The following ITGA2B variants were observed in gnomAD, a reference collection of about 807,000 sequenced individuals.
The protein encoded by ITGA2B is integrin subunit alpha 2b.
ITGA2B carries 91 observed loss-of-function variants against 142.0 expected under a neutral mutation model. The observed-to-expected ratio is 0.64, with a 90% CI of 0.54 to 0.76. The LOEUF (loss-of-function observed/expected upper bound fraction) is 0.76, where lower values mean the gene tolerates loss of function less well. ITGA2B is among the 30% of genes least tolerant of loss of function. ITGA2B has a pLI of 0.00. For missense variants in ITGA2B, 1,231 were observed against 1,350.8 expected (o/e 0.91, Z 1.39); for synonymous variants, 536 against 567.2 (o/e 0.94, Z 0.78).
rs765001825 is a variant in ITGA2B at position 44,385,573 on chromosome 17, G to T, written c.552C>A (p.Arg184=). The T allele has an allele frequency of 1.2e-6, 2 of 1,600,498 alleles. No individual in the cohort carries two copies. Among genetic ancestry groups the T allele is most frequent in the Non-Finnish European group, 1.7e-6 (2 of 1,175,610 alleles). ...TACTAAAATCATTTTCCACGTAAAT[G>T]CGGCTCAGGGTGTTCCCGCGACAGG... is the stretch of plus-strand genomic sequence containing the variant. ...YSPCRGNTLS[R]IYVENDFSWD... is the part of the protein sequence containing the mutation. Residue 184 remains arginine, a synonymous_variant, in exon 4 of 30, where the codon CGC becomes CGA. Transcript: ENST00000262407.
intron 20 of ITGA2B, 86 bp downstream of exon 20, chr17:44,378,276 G>A (rs1292369854): frequency 1.3e-6 from 2 of 1,483,566 alleles, no homozygotes; most frequent in Non-Finnish European, 9.0e-7. Context: ...CAGAAGAGAA[G>A]AGGGACTCTC....
chr17:44,387,930 G>C (rs1221699637), intron 1 of ITGA2B, among the ~76,000 whole-genome samples: 1 of 149,722 alleles, frequency 6.7e-6, no homozygotes. Context: ...CCCCACACCT[G>C]CCTCCACTCT....
In ITGA2B at chr17:44,388,351, CTTTTTTTT is replaced by C. The variant is rs35720866; in HGVS notation, c.188+927_188+934del. Reference sequence around the variant, plus strand: ...ATGTGCTCCTCTCCACATTTCCTTTCTTTTTTTTTTTTTTTTTTTTTTGAGACAGAGTT... The same window carrying C: ...ATGTGCTCCTCTCCACATTTCCTTTCTTTTTTTTTTTTTTGAGACAGAGTT... On this transcript the variant is annotated intron_variant, in intron 1 of 29. Transcript: ENST00000262407. Among the ~76,000 whole-genome samples, 428 of 97,358 alleles carry C rather than the reference CTTTTTTTT, an allele frequency of 4.4e-3. 1 individual carries two copies. The highest frequency in any genetic ancestry group is 7.1e-3 in the Non-Finnish European group (370 of 51,874). 63.9% of individuals were successfully genotyped at this position (97,358 alleles called of 152,430 possible). A position where few individuals can be genotyped will look rare whatever the true frequency, so the allele number is the denominator to read the frequency against.
chr17:44,372,667 C>T (rs1475828957), intron 29 of ITGA2B, among the ~76,000 whole-genome samples: 1 of 152,100 alleles, frequency 6.6e-6, no homozygotes, highest in Non-Finnish European at 1.5e-5. Context: ...CTCACTCTGT[C>T]ACCCAGGCTG....
Position 44,377,760 on chromosome 17 carries a change from T to C in ITGA2B, c.2125A>G (p.Lys709Glu). 2 of 1,613,890 alleles carry C rather than the reference T, an allele frequency of 1.2e-6. No individual in the cohort carries two copies. Among genetic ancestry groups the C allele is most frequent in the South Asian group, 1.1e-5 (1 of 91,074 alleles). The change falls in exon 21 of 30, where the codon AAG (lysine) becomes GAG (glutamate). Residue 709 changes from lysine (K) to glutamate (E), a missense_variant. By Grantham distance (56) the Lys-to-Glu change is moderately conservative. This residue lies in a region of ITGA2B where 908 missense variants were observed against 1,021.1 expected (regional missense o/e 0.89). Coordinates refer to ENST00000262407, the MANE Select transcript of ITGA2B (RefSeq NM_000419.5). ...GFERLICNQK[K>E]ENETRVVLCE... is the part of the protein sequence containing the mutation. ...AGCACCACCCTGGTCTCATTCTCCT[T>C]CTTCTGATTACAGATGAGTCTCTCA...
Position 44,385,083 on chromosome 17 carries a change from C to T in ITGA2B, c.671-7G>A. 2.5e-6 allele frequency: 4 copies of T among 1,613,962 alleles called. No homozygotes were observed. The highest frequency in any genetic ancestry group is 3.4e-6 in the Non-Finnish European group (4 of 1,180,010). ...GGAGCCTGGGCCAGGAGACCTAGGGCGGGAGGGACAGCGGGTGTGAAGCCC... is the reference window on the plus strand; with the variant it reads ...GGAGCCTGGGCCAGGAGACCTAGGGTGGGAGGGACAGCGGGTGTGAAGCCC... On this transcript the variant is annotated splice_region_variant and splice_polypyrimidine_tract_variant and intron_variant, in intron 6 of 29. Transcript: ENST00000262407.
intron 12 of ITGA2B, 98 bp downstream of exon 12, chr17:44,383,386 TATATGCTTA>T: frequency 9.7e-7 from 1 of 1,035,244 alleles, no homozygotes; most frequent in Non-Finnish European, 1.4e-6. Flanking sequence ...GCCACATACT[TATATGCTTA>T]AAACCCATCC....
At chr17:44,376,915 G>A (rs992999285) in intron 22 of ITGA2B, 94 bp downstream of exon 22, 10 of 1,039,334 alleles carry the variant, frequency 9.6e-6, no homozygotes, top group African/African-American at 1.6e-5. Context: ...GCCTGGCCTC[G>A]AAAGACCCTT....
At position 44,372,218 on chromosome 17, in the gene ITGA2B, G is replaced by A. The variant is rs2048503059; in HGVS notation, c.*146C>T. 6.6e-6 allele frequency: 5 copies of A among 758,812 alleles called. No individual in the cohort carries two copies. Among genetic ancestry groups the A allele is most frequent in the Non-Finnish European group, 9.1e-6 (4 of 438,370 alleles). 47.0% of individuals were successfully genotyped at this position (758,812 alleles called of 1,614,324 possible). A position where few individuals can be genotyped will look rare whatever the true frequency, so the allele number is the denominator to read the frequency against. On this transcript the variant is annotated 3_prime_UTR_variant, in exon 30 of 30. Transcript: ENST00000262407. ...CTCTTTATTAGGCAGCAGGAGGGGGGGTAGCCCAGCTCTGTTGGGAGGGAA... is the reference window on the plus strand; with the variant it reads ...CTCTTTATTAGGCAGCAGGAGGGGGAGTAGCCCAGCTCTGTTGGGAGGGAA...
intron 12 of ITGA2B, among the ~76,000 whole-genome samples, chr17:44,383,093 G>C (rs940261274): frequency 6.6e-6 from 1 of 152,056 alleles, no homozygotes; most frequent in African/African-American, 2.4e-5. Context: ...CTGAACTGCT[G>C]ATCTCCCGCC....
At position 44,385,198 on chromosome 17, in the gene ITGA2B, C is replaced by G. The variant is rs1425057699; in HGVS notation, c.636G>C (p.Leu212=). 6.2e-7 allele frequency: 1 copy of G among 1,614,068 alleles called. No homozygotes were observed. Among genetic ancestry groups the G allele is most frequent in the Non-Finnish European group, 8.5e-7 (1 of 1,180,008 alleles). ...FSSVVTQAGE[L]VLGAPGGYYF... is the part of the protein sequence containing the mutation. ...AATAGCCGCCAGGAGCCCCAAGCAC[C>G]AGCTCTCCGGCCTGGAAGGGAAGTC... is the stretch of plus-strand genomic sequence containing the variant. Residue 212 remains leucine, a synonymous_variant, in exon 6 of 30, where the codon CTG becomes CTC. Coordinates refer to ENST00000262407, the MANE Select transcript of ITGA2B (RefSeq NM_000419.5).
chr17:44,386,264 C>G, intron 1 of ITGA2B, 133 bp from the exon 2 acceptor site: 1 of 1,340,862 alleles, frequency 7.5e-7, no homozygotes, highest in South Asian at 1.3e-5. Flanking sequence ...TGACACCTCA[C>G]AGACCACCGT....
chr17:44,379,506 G>T (rs184817511), intron 18 of ITGA2B, among the ~76,000 whole-genome samples, 183 bp downstream of exon 18: 1 of 152,006 alleles, frequency 6.6e-6, no homozygotes, highest in East Asian at 1.9e-4. Flanking sequence ...TGCCTGCCTC[G>T]GTCTCCCAAA....
rs572470560 is a variant in ITGA2B, at chr17:44,380,825, C to T, written c.1393+54G>A. 2.0e-5 allele frequency: 32 copies of T among 1,605,950 alleles called. No individual in the cohort carries two copies. In the Middle Eastern group the frequency reaches 5.0e-4, roughly 25 times the overall value. On this transcript the variant is annotated intron_variant, in intron 13 of 29. Transcript: ENST00000262407. ...TGGCCGTGTCTCTTGGCACTTCCAG[C>T]GAATGTCCAAGGGCCTTTCTTGGGC...
rs368953599 is a variant in ITGA2B at position 44,376,345 on chromosome 17, C to A, written c.2311G>T (p.Val771Leu). The stretch of plus-strand genomic sequence containing the variant: ...ACTTGGGCCTCTGCCCGGACCGGCA[C>A]GTCCAGCAGCACAATCTTGCTGTTT... ...NPNSKIVLLD[V>L]PVRAEAQVEL... The change falls in exon 23 of 30, where the codon GTG becomes TTG. Residue 771 changes from valine to leucine, a missense_variant. Coordinates refer to ENST00000262407, the MANE Select transcript of ITGA2B (RefSeq NM_000419.5). 2.7e-5 allele frequency: 43 copies of A among 1,614,070 alleles called. No individual in the cohort carries two copies. Among genetic ancestry groups the A allele is most frequent in the Non-Finnish European group, 3.3e-5 (39 of 1,180,048 alleles).
At chr17:44,389,121 C>A (rs1240265762) in intron 1 of ITGA2B, among the ~76,000 whole-genome samples, 165 bp downstream of exon 1, 4 of 152,154 alleles carry the variant, frequency 2.6e-5, no homozygotes, top group Non-Finnish European at 5.9e-5. Flanking sequence ...TTCACCTGAG[C>A]CAGTCCCCTG....
chr17:44,387,353 T>G (rs1474254036), intron 1 of ITGA2B, among the ~76,000 whole-genome samples: 1 of 151,272 alleles, frequency 6.6e-6, no homozygotes, highest in African/African-American at 2.4e-5. Flanking sequence ...TGAAACCCTG[T>G]CTCTACTAAA....
intron 22 of ITGA2B, 151 bp from the exon 23 acceptor site, chr17:44,376,539 AG>A: frequency 1.4e-6 from 1 of 715,106 alleles, no homozygotes. Context: ...AACTTCCTCT[AG>A]GGCTCCAAGA....
chr17:44,388,704 A>G (rs907844617), intron 1 of ITGA2B, among the ~76,000 whole-genome samples: 1 of 151,988 alleles, frequency 6.6e-6, no homozygotes, highest in African/African-American at 2.4e-5. Flanking sequence ...TTTTTAATAG[A>G]GACAGGGTTT....
Sources: allele counts gnomAD v4.1 joint callset (sites outside exome capture counted in the v4.1 genomes callset), GRCh38; gene constraint gnomAD v4.1.1; regional missense constraint gnomAD v4.1.1; transcripts MANE v1.5; gene names NCBI Gene and HGNC (gene_info 2026-07-23, HGNC 2026-07-21).